Variants in PTPRD observed in about 807,000 individuals in gnomAD.
The protein encoded by PTPRD is protein tyrosine phosphatase receptor type D.
In PTPRD, 34 loss-of-function variants were observed where a neutral mutation model predicts 214.5. The ratio of observed to expected loss-of-function variants is 0.16; its 90% confidence interval spans 0.12 to 0.21. PTPRD has a LOEUF of 0.21. Ranked by LOEUF, PTPRD falls within the 10% of genes least tolerant of loss-of-function variation. The probability of loss-of-function intolerance (pLI) is 1.00; values close to 1 mark genes in which losing one functional copy is unlikely to be tolerated. For synonymous variants in PTPRD, 1,128 were observed against 845.7 expected (o/e 1.33, Z -5.79); for missense variants, 2,545 against 2,398.7 (o/e 1.06, Z -1.27).
chr9:8,845,847 T>C (rs1257660398), intron 11 of PTPRD, among the ~76,000 whole-genome samples: 1 of 152,234 alleles, frequency 6.6e-6, no homozygotes. Context: ...ATCAATTTTA[T>C]TAGATACCAT....
chr9:8,898,437 C>T, intron 11 of PTPRD, among the ~76,000 whole-genome samples: 1 of 152,044 alleles, frequency 6.6e-6, no homozygotes, highest in East Asian at 1.9e-4. Flanking sequence ...TCTCATTCTA[C>T]TCTTGGTGAT....
chr9:9,806,432 T>G (rs560159633), intron 5 of PTPRD, among the ~76,000 whole-genome samples: 2 of 152,272 alleles, frequency 1.3e-5, no homozygotes, highest in East Asian at 3.9e-4. Context: ...GAATGTATTT[T>G]GTAACATTCC....
chr9:8,471,670 C>G (rs774045301), intron 30 of PTPRD, among the ~76,000 whole-genome samples: 1 of 151,910 alleles, frequency 6.6e-6, no homozygotes, highest in East Asian at 1.9e-4. Flanking sequence ...AGGTAAGTAC[C>G]GCAGAAAATT....
Position 10,141,107 on chromosome 9 carries a change from A to G in PTPRD, c.-544-107317T>C, listed in dbSNP as rs564333613. On this transcript the variant is annotated intron_variant, in intron 3 of 45. Transcript: ENST00000381196. ...TATTGATGGGACGTATCTCAAAATA[A>G]TAAGAGCTATCTATGACAAACCCAC... Among the ~76,000 whole-genome samples the G allele has an allele frequency of 2.5e-3, 376 of 152,262 alleles. 1 individual carries two copies. The highest frequency in any genetic ancestry group is 3.9e-3 in the Non-Finnish European group (268 of 68,014).
At chr9:9,793,837 C>T (rs910730530) in intron 5 of PTPRD, among the ~76,000 whole-genome samples, 2 of 151,778 alleles carry the variant, frequency 1.3e-5, no homozygotes, top group Non-Finnish European at 2.9e-5. Flanking sequence ...AAAATAGTAA[C>T]AATATTAAAA....
At chr9:10,607,272 G>A (rs139739347) in intron 2 of PTPRD, among the ~76,000 whole-genome samples, 8 of 151,780 alleles carry the variant, frequency 5.3e-5, no homozygotes, top group African/African-American at 1.7e-4. Flanking sequence ...TAAAGGCAAC[G>A]CTTTGGTAAT....
intron 8 of PTPRD, among the ~76,000 whole-genome samples, chr9:9,492,269 A>G (rs947098997): frequency 1.3e-5 from 2 of 151,122 alleles, no homozygotes; most frequent in African/African-American, 4.9e-5. Flanking sequence ...CCTGACATAT[A>G]TCTTCTATAT....
chr9:8,987,301 G>C (rs1026805876), intron 11 of PTPRD, among the ~76,000 whole-genome samples: 4 of 152,042 alleles, frequency 2.6e-5, no homozygotes, highest in Non-Finnish European at 5.9e-5. Flanking sequence ...GGTGGAGAAT[G>C]AACCTCATTA....
chr9:10,364,251 T>C (rs1167467908), intron 2 of PTPRD, among the ~76,000 whole-genome samples: 1 of 152,102 alleles, frequency 6.6e-6, no homozygotes, highest in Non-Finnish European at 1.5e-5. Context: ...TCCGCCTGTC[T>C]TGGCCTCCCA....
intron 2 of PTPRD, among the ~76,000 whole-genome samples, chr9:10,533,089 G>A (rs938995414): frequency 3.3e-5 from 5 of 152,072 alleles, no homozygotes; most frequent in African/African-American, 1.2e-4. Flanking sequence ...ATTAAAAACA[G>A]TCTGGCATCC....
rs966552569 is a variant in PTPRD, at chr9:9,426,050, G to A, written c.-236-28568C>T. Among the ~76,000 whole-genome samples the A allele has an allele frequency of 1.6e-4, 25 of 152,032 alleles. 1 individual carries two copies. The highest frequency in any genetic ancestry group is 5.8e-4 in the African/African-American group (24 of 41,406). ...AGGTTCGTCTCAATGGGGCTTGTCC[G>A]GCAGTGGGTGCAGGACAGTGGATGC... On this transcript the variant is annotated intron_variant, in intron 8 of 45. Transcript: ENST00000381196.
At chr9:9,817,814 T>C (rs2049265487) in intron 5 of PTPRD, among the ~76,000 whole-genome samples, 1 of 152,138 alleles carries the variant, frequency 6.6e-6, no homozygotes, top group African/African-American at 2.4e-5. Flanking sequence ...CTTTTAAAAG[T>C]GTTAAAGAAA....
At chr9:8,496,205 CACACAA>C (rs777514846) in intron 26 of PTPRD, among the ~76,000 whole-genome samples, 53 of 126,610 alleles carry the variant, frequency 4.2e-4, no homozygotes, top group African/African-American at 1.3e-3. Context: ...CACACACACA[CACACAA>C]ACACACACAC....
chr9:9,628,121 A>AAT (rs2095479317), intron 7 of PTPRD, among the ~76,000 whole-genome samples: 3 of 152,152 alleles, frequency 2.0e-5, no homozygotes, highest in Non-Finnish European at 4.4e-5. Flanking sequence ...AATTTTAATC[A>AAT]TTAGTCAACT....
chr9:8,830,744 T>C (rs1432659144), intron 11 of PTPRD, among the ~76,000 whole-genome samples: 1 of 152,054 alleles, frequency 6.6e-6, no homozygotes, highest in East Asian at 1.9e-4. Context: ...CAAATGGTCA[T>C]TCGCACGCAA....
At chr9:9,518,779 G>A (rs2096896209) in intron 8 of PTPRD, among the ~76,000 whole-genome samples, 1 of 151,994 alleles carries the variant, frequency 6.6e-6, no homozygotes, top group African/African-American at 2.4e-5. Flanking sequence ...CAGAAGAAAA[G>A]CATAAGAAAA....
intron 5 of PTPRD, among the ~76,000 whole-genome samples, chr9:9,774,562 T>A (rs1417161224): frequency 1.3e-5 from 2 of 152,200 alleles, no homozygotes; most frequent in African/African-American, 4.8e-5. Context: ...AACAGCCAGC[T>A]AAGGCCACCA....
chr9:9,628,543 T>C (rs1336723907), intron 7 of PTPRD, among the ~76,000 whole-genome samples: 1 of 152,120 alleles, frequency 6.6e-6, no homozygotes, highest in African/African-American at 2.4e-5. Flanking sequence ...ACAGCTCAAA[T>C]CCTTTCACTC....
At chr9:9,080,521 T>C (rs1479484031) in intron 10 of PTPRD, among the ~76,000 whole-genome samples, 2 of 152,028 alleles carry the variant, frequency 1.3e-5, no homozygotes, top group Non-Finnish European at 2.9e-5. Flanking sequence ...TTGAGGTTGG[T>C]AAAATAATAT....
Sources: gnomAD v4.1 joint callset for allele counts (sites outside exome capture counted in the v4.1 genomes callset) on GRCh38, gnomAD v4.1.1 for gene constraint, MANE v1.5 for transcripts, NCBI Gene and HGNC (gene_info 2026-07-23, HGNC 2026-07-21) for gene names.